The following PLXDC2 variants were observed in gnomAD, a reference collection of about 807,000 sequenced individuals.
PLXDC2 encodes plexin domain-containing protein 2.
PLXDC2 carries 40 observed loss-of-function variants against 68.9 expected under a neutral mutation model. The observed-to-expected ratio is 0.58, with a 90% confidence interval of 0.45 to 0.76. The LOEUF is 0.76. Among genes scored for constraint, PLXDC2 ranks in the 30% least tolerant of loss-of-function variants. The pLI, the probability that PLXDC2 is intolerant of heterozygous loss-of-function variation, is 0.00. For missense variants in PLXDC2, 644 were observed against 661.9 expected (o/e 0.97, Z 0.30); for synonymous variants, 243 against 234.2 (o/e 1.04, Z -0.34).
intron 3 of PLXDC2, among the ~76,000 whole-genome samples, chr10:20,053,354 T>C (rs1449890567): frequency 1.2e-4 from 19 of 152,134 alleles, no homozygotes; most frequent in Admixed American, 1.2e-3. Flanking sequence ...AGACCATGTC[T>C]TTCTAGATAA....
intron 4 of PLXDC2, among the ~76,000 whole-genome samples, chr10:20,113,158 T>C (rs1484753648): frequency 6.6e-6 from 1 of 152,228 alleles, no homozygotes; most frequent in Non-Finnish European, 1.5e-5. Context: ...AACGGCTTAA[T>C]GCAAAGACAA....
chr10:20,091,667 GC>G (rs1833278567), intron 4 of PLXDC2: 1 of 152,020 alleles, frequency 6.6e-6, no homozygotes. Flanking sequence ...TCTTAGCTCA[GC>G]CCTTTTTAAA....
At chr10:19,892,444 T>C (rs1184081643) in intron 1 of PLXDC2, among the ~76,000 whole-genome samples, 2 of 152,202 alleles carry the variant, frequency 1.3e-5, no homozygotes, top group Admixed American at 6.5e-5. Flanking sequence ...AATAACTTGC[T>C]TGTGGATCAC....
chr10:20,249,951 CAGCG>C (rs1361748591), intron 13 of PLXDC2, among the ~76,000 whole-genome samples: 2 of 152,086 alleles, frequency 1.3e-5, no homozygotes, highest in African/African-American at 4.8e-5. Flanking sequence ...CTGTGCTAAA[CAGCG>C]TATATAATAT....
intron 1 of PLXDC2, among the ~76,000 whole-genome samples, chr10:19,944,505 A>G (rs1833869429): frequency 6.6e-6 from 1 of 152,262 alleles, no homozygotes; most frequent in Admixed American, 6.5e-5. Flanking sequence ...TTAAATTGAC[A>G]GAGTTTAATT....
intron 1 of PLXDC2, among the ~76,000 whole-genome samples, chr10:19,863,630 G>A (rs544756998): frequency 1.7e-4 from 26 of 152,252 alleles, no homozygotes; most frequent in African/African-American, 6.3e-4. Context: ...CTTAGTACCC[G>A]AAAGAAACAT....
chr10:20,039,282 T>A (rs1483868492), intron 2 of PLXDC2, among the ~76,000 whole-genome samples: 1 of 152,326 alleles, frequency 6.6e-6, no homozygotes, highest in Admixed American at 6.5e-5. Context: ...AAAAAATCAC[T>A]TTATAAAGAT....
chr10:20,143,248 A>G (rs1478142102), intron 4 of PLXDC2, 47 bp from the exon 5 acceptor site: 3 of 1,555,174 alleles, frequency 1.9e-6, no homozygotes, highest in Non-Finnish European at 2.6e-6. Context: ...TCATAATTTT[A>G]TATGGGCTTC....
Position 20,063,262 on chromosome 10 carries a change from A to G in PLXDC2, c.472-4908A>G, listed in dbSNP as rs1484974712. Among the ~76,000 whole-genome samples the G allele has an allele frequency of 3.9e-5, 6 of 152,280 alleles. No individual in the cohort carries two copies. The East Asian group carries it at 9.6e-4, about 24-fold the overall frequency. ...ATTATTAAAATCACGGTGACTACTA[A>G]TTTTCTTCCTACAAGCCACTTTCAG... On this transcript the variant is annotated intron_variant, in intron 3 of 13. Coordinates refer to ENST00000377252, the MANE Select transcript of PLXDC2 (RefSeq NM_032812.9).
In PLXDC2 at chr10:20,141,986, A is replaced by G. The variant is rs577703960; in HGVS notation, c.542-1309A>G. Among the ~76,000 whole-genome samples the G allele has an allele frequency of 7.9e-5, 12 of 152,082 alleles. No homozygotes were observed. The East Asian group carries it at 1.7e-3, about 22-fold the overall frequency. The stretch of plus-strand genomic sequence containing the variant: ...TTTTTAGATGAATAGCTAGAGTTCA[A>G]TTATGCTTTTGATGAAAAGTTAAAA... On this transcript the variant is annotated intron_variant, in intron 4 of 13. Coordinates refer to ENST00000377252, the MANE Select transcript of PLXDC2 (RefSeq NM_032812.9).
At chr10:20,093,216 C>T (rs1458711550) in intron 4 of PLXDC2, among the ~76,000 whole-genome samples, 3 of 151,992 alleles carry the variant, frequency 2.0e-5, no homozygotes, top group East Asian at 3.9e-4. Flanking sequence ...GGAATGATTT[C>T]GTGTATAAAA....
At position 19,882,961 on chromosome 10, in the gene PLXDC2, C is replaced by CTTTCT. The variant is rs1554842187; in HGVS notation, c.112+65773_112+65774insCTTTT. ...TTTTTTTTTTTTTTTTCCTTTCTTT[C>CTTTCT]TTTTTTTTTTTTTGAGACAGAGTCT... On this transcript the variant is annotated intron_variant, in intron 1 of 13. Coordinates refer to ENST00000377252, the MANE Select transcript of PLXDC2 (RefSeq NM_032812.9). Among the ~76,000 whole-genome samples, 430 of 128,320 alleles carry CTTTCT rather than the reference C, an allele frequency of 3.4e-3. 1 individual carries two copies. The highest frequency in any genetic ancestry group is 9.6e-3 in the African/African-American group (340 of 35,500). 84.2% of individuals were successfully genotyped at this position (128,320 alleles called of 152,430 possible).
chr10:20,147,987 AC>A lies in PLXDC2; in HGVS notation c.783+86del, dbSNP rs1266656713. Reference sequence around the variant, plus strand: ...CCAAATGTCAAGAAAGGGACATTTTACAGCCATGATCCTCAAATCATTTTCT... The same window carrying A: ...CCAAATGTCAAGAAAGGGACATTTTAAGCCATGATCCTCAAATCATTTTCT... On this transcript the variant is annotated intron_variant, in intron 6 of 13. Coordinates refer to ENST00000377252, the MANE Select transcript of PLXDC2 (RefSeq NM_032812.9). The A allele has an allele frequency of 4.3e-6, 4 of 932,434 alleles. No individual in the cohort carries two copies. The East Asian group carries it at 9.7e-5, about 23-fold the overall frequency. 57.8% of individuals were successfully genotyped at this position (932,434 alleles called of 1,614,324 possible). A position where few individuals can be genotyped will look rare whatever the true frequency, so the allele number is the denominator to read the frequency against.
At chr10:19,971,665 C>G (rs1834355933) in intron 1 of PLXDC2, among the ~76,000 whole-genome samples, 1 of 152,136 alleles carries the variant, frequency 6.6e-6, no homozygotes, top group Admixed American at 6.5e-5. Context: ...CTGTGTTGTT[C>G]TAGACTTTTC....
intron 6 of PLXDC2, among the ~76,000 whole-genome samples, chr10:20,154,817 A>G (rs1834197708): frequency 1.3e-5 from 2 of 152,074 alleles, no homozygotes; most frequent in South Asian, 4.2e-4. Context: ...GTGAGGAATA[A>G]GGATAGTCAT....
chr10:20,058,908 C>T (rs564664866), intron 3 of PLXDC2, among the ~76,000 whole-genome samples: 1 of 152,298 alleles, frequency 6.6e-6, no homozygotes, highest in South Asian at 2.1e-4. Context: ...GTCTATTCAT[C>T]CTTTTAACCT....
chr10:20,255,396 ACTACT>A (rs1835730455), intron 13 of PLXDC2, among the ~76,000 whole-genome samples: 1 of 152,166 alleles, frequency 6.6e-6, no homozygotes, highest in South Asian at 2.1e-4. Context: ...TCTTGAAGAG[ACTACT>A]CTACTGACAG....
Position 19,893,554 on chromosome 10 carries a change from TG to T in PLXDC2, c.112+76367del, listed in dbSNP as rs368284748. Among the ~76,000 whole-genome samples the T allele has an allele frequency of 1.4e-3, 213 of 152,314 alleles. 1 individual carries two copies. The highest frequency in any genetic ancestry group is 5.0e-3 in the African/African-American group (207 of 41,578). ...GGTCATAAACTCCACCTGATAACTT[TG>T]GGGCTTGATTTAAATCAGGTGGAAG... On this transcript the variant is annotated intron_variant, in intron 1 of 13. Transcript: ENST00000377252.
intron 2 of PLXDC2, among the ~76,000 whole-genome samples, chr10:20,033,713 A>G (rs1222209736): frequency 2.0e-5 from 3 of 152,186 alleles, no homozygotes; most frequent in Non-Finnish European, 4.4e-5. Context: ...ATTCACCCCC[A>G]TGATTCAATT....
Sources: allele counts gnomAD v4.1 joint callset (sites outside exome capture counted in the v4.1 genomes callset), GRCh38; gene constraint gnomAD v4.1.1; transcripts MANE v1.5; gene names NCBI Gene and HGNC (gene_info 2026-07-23, HGNC 2026-07-21).